CWC27: variants seen among roughly 807,000 people sequenced by gnomAD.
The protein encoded by CWC27 is spliceosome-associated protein CWC27 homolog.
A neutral mutation model predicts 63.6 loss-of-function variants in CWC27; 47 were observed. That is an observed-to-expected ratio of 0.74 (90% CI 0.58 to 0.94). CWC27 has a LOEUF of 0.94. CWC27 is among the 40% of genes least tolerant of loss of function. The pLI, the probability that CWC27 is intolerant of heterozygous loss-of-function variation, is 0.00. For missense variants in CWC27, 495 were observed against 554.3 expected, an observed-to-expected ratio of 0.89 and a Z score of 1.07; for synonymous variants, 175 against 179.8, an observed-to-expected ratio of 0.97 and a Z score of 0.22.
chr5:64,791,930 T>G (rs948589191), intron 7 of CWC27, among the ~76,000 whole-genome samples: 4 of 152,148 alleles, frequency 2.6e-5, no homozygotes, highest in Non-Finnish European at 5.9e-5. Flanking sequence ...TTTTTCCTTT[T>G]AATTTATTGT....
intron 10 of CWC27, among the ~76,000 whole-genome samples, chr5:64,852,350 C>A (rs1227261273): frequency 1.3e-5 from 2 of 152,154 alleles, no homozygotes; most frequent in Non-Finnish European, 2.9e-5. Flanking sequence ...AAATAGTATG[C>A]CTCTATCATA....
At chr5:64,816,043 T>C (rs12153718) in intron 10 of CWC27, among the ~76,000 whole-genome samples, 53,602 of 152,038 alleles carry the variant, frequency 0.35, 9,899 homozygotes, top group East Asian at 0.51. Flanking sequence ...TTTCTCTCTT[T>C]TTTTGCAGCT....
intron 1 of CWC27, among the ~76,000 whole-genome samples, chr5:64,769,558 C>T (rs1246428944): frequency 1.3e-5 from 2 of 152,144 alleles, no homozygotes; most frequent in Non-Finnish European, 2.9e-5. Flanking sequence ...AATTGAACGC[C>T]TGCGAGGCAC....
intron 13 of CWC27, among the ~76,000 whole-genome samples, chr5:65,015,930 G>A (rs1247211516): frequency 6.6e-6 from 1 of 152,218 alleles, no homozygotes; most frequent in African/African-American, 2.4e-5. Flanking sequence ...GCAGCCGACA[G>A]GCCAACTTTC....
At chr5:64,769,309 T>A in intron 1 of CWC27, 121 bp downstream of exon 1, 1 of 820,244 alleles carries the variant, frequency 1.2e-6, no homozygotes, top group Non-Finnish European at 2.1e-6. Context: ...AAGTGTTGTC[T>A]TTACTCCTGC....
intron 11 of CWC27, among the ~76,000 whole-genome samples, chr5:64,904,179 T>A (rs543158177): frequency 2.6e-5 from 4 of 152,336 alleles, no homozygotes; most frequent in Admixed American, 2.6e-4. Flanking sequence ...CTACAAGGTT[T>A]CAAACCATTT....
intron 11 of CWC27, among the ~76,000 whole-genome samples, chr5:64,967,405 T>C (rs568764679): frequency 7.2e-5 from 11 of 152,122 alleles, no homozygotes; most frequent in African/African-American, 2.6e-4. Context: ...ACCTGACTTA[T>C]TTGAAGAAAT....
intron 11 of CWC27, among the ~76,000 whole-genome samples, chr5:64,905,124 C>A (rs184730764): frequency 2.3e-4 from 33 of 146,554 alleles, no homozygotes; most frequent in African/African-American, 6.7e-4. Flanking sequence ...TTGCTTGAAC[C>A]TGTGATGCAG....
intron 13 of CWC27, among the ~76,000 whole-genome samples, chr5:64,981,864 C>A (rs987988270): frequency 2.6e-5 from 4 of 152,194 alleles, no homozygotes; most frequent in African/African-American, 9.7e-5. Context: ...TCCAAGTAGT[C>A]TTGTTCTTGG....
intron 11 of CWC27, among the ~76,000 whole-genome samples, chr5:64,889,212 C>CA (rs199549956): frequency 6.4e-4 from 95 of 149,152 alleles, no homozygotes; most frequent in East Asian, 3.3e-3. Context: ...AATCATAGAA[C>CA]AAAAAAAAAG....
At chr5:64,791,630 G>A (rs1267580218) in intron 7 of CWC27, among the ~76,000 whole-genome samples, 1 of 152,030 alleles carries the variant, frequency 6.6e-6, no homozygotes, top group African/African-American at 2.4e-5. Context: ...TTCGTAGGGG[G>A]TGCTTTGTAA....
intron 11 of CWC27, among the ~76,000 whole-genome samples, chr5:64,968,166 T>C (rs980353522): frequency 6.6e-6 from 1 of 152,012 alleles, no homozygotes; most frequent in African/African-American, 2.4e-5. Context: ...ATCAGAAAAG[T>C]AACACTAGAA....
intron 13 of CWC27, among the ~76,000 whole-genome samples, chr5:65,008,019 A>G (rs1310094093): frequency 3.3e-5 from 5 of 152,350 alleles, no homozygotes; most frequent in African/African-American, 1.2e-4. Flanking sequence ...TAAAGGCCCT[A>G]TCTTCAAATA....
intron 11 of CWC27, among the ~76,000 whole-genome samples, chr5:64,945,351 G>C (rs1748571378): frequency 6.6e-6 from 1 of 152,080 alleles, no homozygotes; most frequent in Non-Finnish European, 1.5e-5. Context: ...CTATAACAGT[G>C]TTTGACATTC....
At chr5:64,888,336 T>C (rs1305215324) in intron 11 of CWC27, among the ~76,000 whole-genome samples, 1 of 146,974 alleles carries the variant, frequency 6.8e-6, no homozygotes, top group Non-Finnish European at 1.5e-5. Flanking sequence ...ATTAACTATA[T>C]ATAGTATAAT....
chr5:64,949,094 C>T (rs957906949), intron 11 of CWC27, among the ~76,000 whole-genome samples: 6 of 151,906 alleles, frequency 3.9e-5, no homozygotes, highest in Non-Finnish European at 7.4e-5. Context: ...TATGGAAGAG[C>T]TTTAACTTTA....
chr5:64,903,383 G>C (rs1747550118), intron 11 of CWC27, among the ~76,000 whole-genome samples: 1 of 152,104 alleles, frequency 6.6e-6, no homozygotes, highest in Non-Finnish European at 1.5e-5. Flanking sequence ...GCAAGGACAT[G>C]GATGAAGCTG....
chr5:64,991,367 G>A (rs77740668), intron 13 of CWC27, among the ~76,000 whole-genome samples: 88 of 152,064 alleles, frequency 5.8e-4, no homozygotes, highest in Non-Finnish European at 9.7e-4. Context: ...CCAAAAAGAG[G>A]TTTCTGAATT....
intron 13 of CWC27, among the ~76,000 whole-genome samples, chr5:64,977,906 C>T (rs1464996349): frequency 2.0e-5 from 3 of 151,766 alleles, no homozygotes; most frequent in Admixed American, 6.6e-5. Flanking sequence ...CTCCCCACAC[C>T]TAACTGCCTC....
Sources: allele counts gnomAD v4.1 joint callset (sites outside exome capture counted in the v4.1 genomes callset), GRCh38; gene constraint gnomAD v4.1.1; transcripts MANE v1.5; gene names NCBI Gene and HGNC (gene_info 2026-07-23, HGNC 2026-07-21).